KDM5B: variants seen among roughly 807,000 people sequenced by gnomAD.
KDM5B encodes lysine demethylase 5B.
Under a neutral mutation model 193.4 loss-of-function variants are expected in KDM5B, and 144 were observed. The observed-to-expected ratio is 0.74, with a 90% CI of 0.65 to 0.86. The LOEUF is 0.86. Among genes scored for constraint, KDM5B ranks in the 40% least tolerant of loss-of-function variants. KDM5B has a pLI of 0.00. For synonymous variants in KDM5B, 668 were observed against 682.6 expected (o/e 0.98, Z 0.33); for missense variants, 1,833 against 1,886.9 (o/e 0.97, Z 0.53).
At chr1:202,739,194 CA>C in intron 20 of KDM5B, among the ~76,000 whole-genome samples, 1 of 152,340 alleles carries the variant, frequency 6.6e-6, no homozygotes, top group Non-Finnish European at 1.5e-5. Flanking sequence ...CTCACTACTT[CA>C]TTGTTAGCTC....
chr1:202,752,194 T>C (rs927604506), intron 12 of KDM5B, among the ~76,000 whole-genome samples: 1 of 152,238 alleles, frequency 6.6e-6, no homozygotes, highest in Non-Finnish European at 1.5e-5. Flanking sequence ...GCCAGTATAG[T>C]TGTGCACCAT....
Position 202,729,124 on chromosome 1 carries a change from A to T in KDM5B, c.4547T>A (p.Val1516Asp). ...DGSCNQWFHQ[V>D]CVGVSPEMAE... The stretch of plus-strand genomic sequence containing the variant: ...CATCTCTGGGGAGACACCAACACAG[A>T]CCTGATGAAACCACTGATTGCAGCT... Residue 1516 changes from valine to aspartate, a missense_variant, in exon 27 of 27, where the codon GTC becomes GAC. By Grantham distance (152) the Val-to-Asp change is radical. Coordinates refer to ENST00000367265, the MANE Select transcript of KDM5B (RefSeq NM_006618.5). 6.2e-7 allele frequency: 1 copy of T among 1,614,100 alleles called. No individual in the cohort carries two copies. Among genetic ancestry groups the T allele is most frequent in the Non-Finnish European group, 8.5e-7 (1 of 1,179,980 alleles).
At chr1:202,768,196 C>G (rs1656554697) in intron 4 of KDM5B, among the ~76,000 whole-genome samples, 2 of 152,100 alleles carry the variant, frequency 1.3e-5, no homozygotes, top group Admixed American at 1.3e-4. Flanking sequence ...TAGTTTTATT[C>G]TAAGCTGGCT....
chr1:202,757,732 C>G (rs755199251), intron 9 of KDM5B, among the ~76,000 whole-genome samples: 1 of 152,136 alleles, frequency 6.6e-6, no homozygotes, highest in Non-Finnish European at 1.5e-5. Flanking sequence ...GATACAGCAA[C>G]TGGGATGGAA....
chr1:202,730,131 A>AG, intron 25 of KDM5B, 104 bp from the exon 26 acceptor site: 2 of 986,608 alleles, frequency 2.0e-6, no homozygotes, highest in Non-Finnish European at 2.9e-6. Flanking sequence ...ATGATCCCCC[A>AG]ATCTACACGG....
intron 20 of KDM5B, among the ~76,000 whole-genome samples, chr1:202,739,646 G>C (rs541247484): frequency 3.9e-5 from 6 of 152,154 alleles, no homozygotes; most frequent in Admixed American, 3.3e-4. Flanking sequence ...TGTGTCCCTG[G>C]GTACTTGAGA....
rs770000931 is a variant in KDM5B at position 202,729,160 on chromosome 1, T to C, written c.4511A>G (p.Gln1504Arg). 1.2e-6 allele frequency: 2 copies of C among 1,614,142 alleles called. No homozygotes were observed. Among genetic ancestry groups the C allele is most frequent in the South Asian group, 2.2e-5 (2 of 91,086 alleles). ...QPEGDEVDWV[Q>R]CDGSCNQWFH... The stretch of plus-strand genomic sequence containing the variant: ...CCACTGATTGCAGCTGCCATCACAC[T>C]GGACCCAGTCCACCTGGTTACAAAG... Residue 1504 changes from glutamine to arginine, a missense_variant, in exon 27 of 27, where the codon CAG (glutamine) becomes CGG (arginine). Physicochemically the swap from Gln to Arg is conservative, Grantham distance 43 (BLOSUM62 1). This residue lies in a region of KDM5B where 1,379 missense variants were observed against 1,349.6 expected (regional missense o/e 1.02). Coordinates refer to ENST00000367265, the MANE Select transcript of KDM5B (RefSeq NM_006618.5).
At chr1:202,795,635 A>C (rs370662367) in intron 1 of KDM5B, among the ~76,000 whole-genome samples, 5 of 151,832 alleles carry the variant, frequency 3.3e-5, no homozygotes, top group African/African-American at 1.2e-4. Context: ...TAGGCAACAG[A>C]GCAAGACTCC....
Position 202,741,714 on chromosome 1 carries a change from C to T in KDM5B, c.2598G>A (p.Leu866=). ...GCTGTTGAAAATCTTCTACACGATTCAAGAGATCCTAAAAAAAAATACACA... is the reference window on the plus strand; with the variant it reads ...GCTGTTGAAAATCTTCTACACGATTTAAGAGATCCTAAAAAAAAATACACA... The part of the protein sequence containing the change: ...LSQTPLLKDL[L]NRVEDFQQHS... Residue 866 remains leucine (L), a synonymous_variant, in exon 19 of 27, where the codon TTG becomes TTA. Coordinates refer to ENST00000367265, the MANE Select transcript of KDM5B (RefSeq NM_006618.5). 1 of 1,585,824 alleles carries T rather than the reference C, an allele frequency of 6.3e-7. No individual in the cohort carries two copies. Among genetic ancestry groups the T allele is most frequent in the Non-Finnish European group, 8.6e-7 (1 of 1,161,900 alleles).
rs369081916 is a variant in KDM5B, at chr1:202,758,530, C to T, written c.1078-20G>A. On this transcript the variant is annotated intron_variant, in intron 8 of 26. Coordinates refer to ENST00000367265, the MANE Select transcript of KDM5B (RefSeq NM_006618.5). ...ACATTCCTGAAAATAAAGAAAATTA[C>T]GTTCTAGGTGACACTGAAAACATCA... 1,313 of 1,587,078 alleles carry T rather than the reference C, an allele frequency of 8.3e-4. 21 individuals are homozygous for T. In the South Asian group the frequency reaches 0.013, roughly 16 times the overall value.
chr1:202,741,779 T>A, intron 18 of KDM5B, 57 bp from the exon 19 acceptor site: 1 of 966,098 alleles, frequency 1.0e-6, no homozygotes, highest in Non-Finnish European at 1.6e-6. Flanking sequence ...AATTGGCTTC[T>A]TTCAAACTTA....
chr1:202,800,814 C>T (rs1658042892), intron 1 of KDM5B, among the ~76,000 whole-genome samples: 1 of 152,216 alleles, frequency 6.6e-6, no homozygotes, highest in Admixed American at 6.5e-5. Flanking sequence ...CTAACCTCCA[C>T]CCACCAACCG....
rs1159228886 is a variant in KDM5B at position 202,729,848 on chromosome 1, C to T, written c.4356G>A (p.Glu1452=). The part of the protein sequence containing the change: ...HPKDMNNFKL[E]RERSYELVRS... ...GAACTAATTCATAGCTACGCTCTCTCTCTAACTTGAAATTGTTCATGTCCT... is the reference window on the plus strand; with the variant it reads ...GAACTAATTCATAGCTACGCTCTCTTTCTAACTTGAAATTGTTCATGTCCT... Residue 1452 remains glutamate (E), a synonymous_variant, in exon 26 of 27, where the codon GAG becomes GAA. Transcript: ENST00000367265. The T allele has an allele frequency of 4.3e-6, 7 of 1,614,068 alleles. No homozygotes were observed. The highest frequency in any genetic ancestry group is 4.2e-6 in the Non-Finnish European group (5 of 1,180,036).
chr1:202,775,856 C>CA (rs35222749), intron 2 of KDM5B, among the ~76,000 whole-genome samples: 754 of 21,386 alleles, frequency 0.035, 57 homozygotes, highest in Middle Eastern at 0.12. Flanking sequence ...ACTCTTGTCT[C>CA]AAAAAAAAAA....
chr1:202,778,196 T>A (rs1657042327), intron 1 of KDM5B, among the ~76,000 whole-genome samples: 1 of 152,020 alleles, frequency 6.6e-6, no homozygotes, highest in African/African-American at 2.4e-5. Flanking sequence ...AATTTGTCCT[T>A]AATATGTATA....
intron 1 of KDM5B, among the ~76,000 whole-genome samples, chr1:202,780,354 T>TA (rs1275094761): frequency 1.3e-5 from 2 of 152,086 alleles, no homozygotes; most frequent in Non-Finnish European, 2.9e-5. Context: ...CATGCCTGGC[T>TA]AACTTTTGTA....
rs768922882 is a variant in KDM5B at position 202,752,970 on chromosome 1, G to T, written c.1636C>A (p.Pro546Thr). The T allele has an allele frequency of 6.2e-7, 1 of 1,614,092 alleles. No homozygotes were observed. The highest frequency in any genetic ancestry group is 8.5e-7 in the Non-Finnish European group (1 of 1,179,976). ...KLAPELFVSQ[P>T]DLLHQLVTIM... ...GTCACAAGCTGATGGAGGAGATCCG[G>T]CTGGGACACAAAGAGTTCTGGAGCT... The change falls in exon 12 of 27, where the codon CCG (proline) becomes ACG (threonine). Residue 546 changes from proline to threonine, a missense_variant. Around this residue, in one of 3 missense-constraint regions of KDM5B, gnomAD observed 1,379 missense variants for 1,349.6 expected, o/e 1.02. Transcript: ENST00000367265.
At chr1:202,789,477 A>G (rs1344841368) in intron 1 of KDM5B, among the ~76,000 whole-genome samples, 3 of 148,426 alleles carry the variant, frequency 2.0e-5, no homozygotes, top group African/African-American at 7.5e-5. Flanking sequence ...GAGCCGAGAC[A>G]AGTGAACTGA....
chr1:202,792,547 A>T (rs1011529033), intron 1 of KDM5B, among the ~76,000 whole-genome samples: 3 of 152,226 alleles, frequency 2.0e-5, no homozygotes, highest in Admixed American at 6.5e-5. Context: ...ACAAACTAAC[A>T]GTATATGAAT....
Sources: gnomAD v4.1 joint callset for allele counts (sites outside exome capture counted in the v4.1 genomes callset) on GRCh38, gnomAD v4.1.1 for gene constraint, gnomAD v4.1.1 regional missense constraint, MANE v1.5 for transcripts, NCBI Gene and HGNC (gene_info 2026-07-23, HGNC 2026-07-21) for gene names.